Variants in CCDC186 observed in about 807,000 individuals in gnomAD.
The protein encoded by CCDC186 is coiled-coil domain-containing protein 186.
CCDC186 carries 49 observed loss-of-function variants against 113.7 expected under a neutral mutation model. The observed-to-expected ratio is 0.43, with a 90% CI of 0.34 to 0.55. CCDC186 has a LOEUF of 0.55. Ranked by LOEUF, CCDC186 falls within the 20% of genes least tolerant of loss-of-function variation. CCDC186 has a pLI of 0.02. For missense variants in CCDC186, 890 were observed against 1,011.1 expected (o/e 0.88, Z 1.62); for synonymous variants, 355 against 345.8 (o/e 1.03, Z -0.30).
At chr10:114,159,007 T>C (rs1044938866) in intron 2 of CCDC186, among the ~76,000 whole-genome samples, 1 of 152,230 alleles carries the variant, frequency 6.6e-6, no homozygotes, top group African/African-American at 2.4e-5. Context: ...GATTAAATCC[T>C]ATTAAGAAAA....
intron 1 of CCDC186, among the ~76,000 whole-genome samples, chr10:114,164,904 T>C (rs2032292059): frequency 6.6e-6 from 1 of 152,230 alleles, no homozygotes; most frequent in South Asian, 2.1e-4. Flanking sequence ...CAAATCATAG[T>C]AAATCACAGT....
At chr10:114,126,404 T>C (rs1283398735) in intron 14 of CCDC186, among the ~76,000 whole-genome samples, 1 of 152,240 alleles carries the variant, frequency 6.6e-6, no homozygotes, top group East Asian at 1.9e-4. Flanking sequence ...TCACCCAGGC[T>C]GGAGTGCAGT....
chr10:114,135,022 C>T lies in CCDC186; in HGVS notation c.1546G>A (p.Glu516Lys). The change falls in exon 10 of 16, where the codon GAA becomes AAA. Residue 516 changes from glutamate to lysine, a missense_variant. By Grantham distance (56) the Glu-to-Lys change is moderately conservative. Coordinates refer to ENST00000369287, the MANE Select transcript of CCDC186 (RefSeq NM_018017.4). ...KCLEDERLRT[E>K]DELSKYKEII... ...TCCTTATATTTTGATAATTCATCTT[C>T]TGTTCTTAATCGTTCATCTTCTAGA... The T allele has an allele frequency of 6.2e-7, 1 of 1,610,876 alleles. No individual in the cohort carries two copies. The highest frequency in any genetic ancestry group is 8.5e-7 in the Non-Finnish European group (1 of 1,179,218).
intron 1 of CCDC186, chr10:114,173,144 G>A (rs1450583076): frequency 2.2e-6 from 1 of 453,474 alleles, no homozygotes; most frequent in Non-Finnish European, 4.4e-6. Context: ...CAAGTACCTG[G>A]GACTGTACTG....
intron 3 of CCDC186, among the ~76,000 whole-genome samples, chr10:114,156,314 T>C (rs759214945): frequency 6.6e-6 from 1 of 152,260 alleles, no homozygotes; most frequent in South Asian, 2.1e-4. Flanking sequence ...AAGGCTAGAA[T>C]GCTTCTAATC....
chr10:114,129,781 C>T (rs534533934), intron 13 of CCDC186, 110 bp downstream of exon 13: 20 of 867,668 alleles, frequency 2.3e-5, no homozygotes, highest in Admixed American at 2.0e-4. Context: ...CCACTCATCT[C>T]GTCCTCCCAA....
At chr10:114,168,670 G>GC (rs1477870655) in intron 1 of CCDC186, among the ~76,000 whole-genome samples, 1 of 151,880 alleles carries the variant, frequency 6.6e-6, no homozygotes, top group South Asian at 2.1e-4. Context: ...CCATTCCCTA[G>GC]CCCCCTGCCC....
intron 6 of CCDC186, among the ~76,000 whole-genome samples, chr10:114,139,279 T>C (rs2031383016): frequency 6.6e-6 from 1 of 151,470 alleles, no homozygotes; most frequent in Admixed American, 6.6e-5. Flanking sequence ...ATTGCATTAA[T>C]AGGCCAGGTG....
Position 114,121,422 on chromosome 10 carries a change from G to C in CCDC186, c.*3721C>G, listed in dbSNP as rs1015670865. 1.3e-5 allele frequency: 2 copies of C among 151,898 alleles called. No homozygotes were observed. Among genetic ancestry groups the C allele is most frequent in the Non-Finnish European group, 2.9e-5 (2 of 67,960 alleles). The allele number at this position is 151,898 out of a possible 1,614,324, so 9.4% of individuals were successfully genotyped here. A position where few individuals can be genotyped will look rare whatever the true frequency, so the allele number is the denominator to read the frequency against. ...TACTGATAAATCTTGGTTTAAATTTGCATGTAACAATTTTTAGAAAATAAT... is the reference window on the plus strand; with the variant it reads ...TACTGATAAATCTTGGTTTAAATTTCCATGTAACAATTTTTAGAAAATAAT... On this transcript the variant is annotated 3_prime_UTR_variant, in exon 16 of 16. Coordinates refer to ENST00000369287, the MANE Select transcript of CCDC186 (RefSeq NM_018017.4).
chr10:114,141,857 C>T (rs2031478905), intron 6 of CCDC186, among the ~76,000 whole-genome samples: 1 of 152,128 alleles, frequency 6.6e-6, no homozygotes. Flanking sequence ...TCCAGGAATA[C>T]CTCATTTGTT....
chr10:114,153,436 C>T (rs964385169), intron 3 of CCDC186, among the ~76,000 whole-genome samples: 2 of 151,906 alleles, frequency 1.3e-5, no homozygotes, highest in East Asian at 3.9e-4. Flanking sequence ...ACTCAGGAGA[C>T]ACATCTAAAG....
chr10:114,173,812 G>A (rs2032605486), intron 1 of CCDC186, among the ~76,000 whole-genome samples: 1 of 152,182 alleles, frequency 6.6e-6, no homozygotes, highest in African/African-American at 2.4e-5. Context: ...GGAGAGGAAA[G>A]GGCTTGAAAC....
At chr10:114,144,669 T>C in intron 5 of CCDC186, 53 bp from the exon 6 acceptor site, 1 of 1,451,718 alleles carries the variant, frequency 6.9e-7, no homozygotes, top group Non-Finnish European at 9.4e-7. Context: ...CAATTAATTA[T>C]ATCTTTTATA....
At chr10:114,169,384 CA>C (rs1274347313) in intron 1 of CCDC186, among the ~76,000 whole-genome samples, 1 of 151,868 alleles carries the variant, frequency 6.6e-6, no homozygotes, top group Non-Finnish European at 1.5e-5. Context: ...GCTGGGATTA[CA>C]GGGTTGTGCC....
rs2031247016 is a variant in CCDC186, at chr10:114,135,969, A to G, written c.1434T>C (p.His478=). The change falls in exon 9 of 16, where the codon CAT becomes CAC. Residue 478 remains histidine, a synonymous_variant. Coordinates refer to ENST00000369287, the MANE Select transcript of CCDC186 (RefSeq NM_018017.4). ...GATCTTCTAGTTCCTTTATTTTGGC[A>G]TGATGCATCTTTAAAAAAGTTTAAA... ...QEKSDQLEMH[H]AKIKELEDLK... is the part of the protein sequence containing the mutation. 1.2e-6 allele frequency: 2 copies of G among 1,612,222 alleles called. No individual in the cohort carries two copies. The highest frequency in any genetic ancestry group is 1.3e-5 in the African/African-American group (1 of 74,864).
At chr10:114,149,611 A>AGGGAG (rs2031761072) in intron 4 of CCDC186, among the ~76,000 whole-genome samples, 2 of 29,410 alleles carry the variant, frequency 6.8e-5, no homozygotes, top group Non-Finnish European at 6.2e-5. Context: ...AGGGAAGGGA[A>AGGGAG]GGGAAGGGAA....
At chr10:114,164,515 TATAAAATATTTCCACAATCTTG>T (rs1347916829) in intron 1 of CCDC186, among the ~76,000 whole-genome samples, 2 of 152,166 alleles carry the variant, frequency 1.3e-5, no homozygotes, top group East Asian at 3.8e-4. Flanking sequence ...AACACATAAT[TATAAAATATTTCCACAATCTTG>T]ATAAAAAAAA....
intron 1 of CCDC186, among the ~76,000 whole-genome samples, chr10:114,172,438 TGA>T (rs773404303): frequency 1.5e-4 from 23 of 152,298 alleles, no homozygotes; most frequent in Non-Finnish European, 3.1e-4. Flanking sequence ...ACTTTATGGG[TGA>T]AAGAACTAAA....
Position 114,145,779 on chromosome 10 carries a change from C to A in CCDC186, c.889-18G>T. The A allele has an allele frequency of 6.4e-7, 1 of 1,557,574 alleles. No homozygotes were observed. The highest frequency in any genetic ancestry group is 2.2e-5 in the Admixed American group (1 of 45,572). On this transcript the variant is annotated intron_variant, in intron 4 of 15. Transcript: ENST00000369287. ...TTGTTGGCCTTCAAAAAAAATATTA[C>A]TTAGCATTAATGAAAAATAATGTTT...
Sources: allele counts gnomAD v4.1 joint callset (sites outside exome capture counted in the v4.1 genomes callset), GRCh38; gene constraint gnomAD v4.1.1; transcripts MANE v1.5; gene names NCBI Gene and HGNC (gene_info 2026-07-23, HGNC 2026-07-21).